The following TENM1 variants were observed in gnomAD, a reference collection of about 807,000 sequenced individuals.
TENM1 encodes teneurin-1.
Under a neutral mutation model 174.8 loss-of-function variants are expected in TENM1, and 35 were observed. The observed-to-expected ratio is 0.20, with a 90% CI of 0.15 to 0.27. The LOEUF (loss-of-function observed/expected upper bound fraction) is 0.27. Ranked by LOEUF, TENM1 falls within the 10% of genes least tolerant of loss-of-function variation. The pLI is 1.00. For synonymous variants in TENM1, 781 were observed against 798.7 expected, an observed-to-expected ratio of 0.98 and a Z score of 0.37; for missense variants, 1,633 against 2,130.1, an observed-to-expected ratio of 0.77 and a Z score of 4.59.
chrX:124,978,797 G>T, the TENM1 span, among the ~76,000 whole-genome samples: 1 of 111,771 alleles, frequency 8.9e-6, no homozygotes, highest in African/African-American at 3.2e-5. Context: ...CTTCATATTT[G>T]CCCTGCAGCT....
At chrX:124,641,733 G>A in intron 11 of TENM1, 58 bp downstream of exon 14, 1 of 1,089,467 alleles carries the variant, frequency 9.2e-7, no homozygotes. Context: ...CTGCCTTAAG[G>A]AAGGAACAGT....
chrX:124,786,815 A>G (rs933001815), intron 3 of TENM1, among the ~76,000 whole-genome samples: 3 of 111,507 alleles, frequency 2.7e-5, no homozygotes, highest in South Asian at 3.8e-4. Context: ...CTTCCTATCC[A>G]TGATAAGGCA....
chrX:124,561,843 TCA>T lies in TENM1; in HGVS notation c.2288-28_2288-27del. 3.3e-6 allele frequency: 4 copies of T among 1,202,484 alleles called. No homozygotes were observed. In the South Asian group the frequency reaches 7.1e-5, roughly 21 times the overall value. On this transcript the variant is annotated intron_variant, in intron 13 of 31. Coordinates refer to ENST00000422452, the Ensembl canonical transcript of TENM1. Reference sequence around the variant, plus strand: ...CTGAAAAGACATCAGAGAGTAACCATCACAGAGACATCAGAATGGGATTGGCC... The same window carrying T: ...CTGAAAAGACATCAGAGAGTAACCATCAGAGACATCAGAATGGGATTGGCC...
Position 124,533,185 on chromosome X carries a change from G to A in TENM1, c.2652-3202C>T, listed in dbSNP as rs929843863. Among the ~76,000 whole-genome samples the A allele has an allele frequency of 2.7e-5, 3 of 111,447 alleles. No individual in the cohort carries two copies. In the Admixed American group the frequency reaches 2.9e-4, roughly 11 times the overall value. ...GAAGTATGGCATATTGTGCCACTTC[G>A]TTCAGCTCAACTGCCATTTTGTGCA... is the stretch of plus-strand genomic sequence containing the variant. On this transcript the variant is annotated intron_variant, in intron 15 of 31. Coordinates refer to ENST00000422452, the Ensembl canonical transcript of TENM1.
chrX:124,395,689 G>A (rs1308316371), intron 27 of TENM1, among the ~76,000 whole-genome samples: 2 of 111,700 alleles, frequency 1.8e-5, no homozygotes, highest in African/African-American at 6.5e-5. Flanking sequence ...TAAGAAAAGC[G>A]CATATTTCCT....
intron 18 of TENM1, among the ~76,000 whole-genome samples, chrX:124,516,909 C>T (rs759477085): frequency 7.2e-5 from 8 of 111,590 alleles, no homozygotes; most frequent in African/African-American, 2.0e-4. Flanking sequence ...AAATGCCCAT[C>T]GATGACAGAT....
intron 11 of TENM1, among the ~76,000 whole-genome samples, chrX:124,632,797 G>T (rs2050792272): frequency 8.9e-6 from 1 of 111,930 alleles, no homozygotes; most frequent in African/African-American, 3.2e-5. Flanking sequence ...GTATCATTCA[G>T]CTTATTTGGG....
chrX:125,161,426 A>G, the TENM1 span, among the ~76,000 whole-genome samples: 4 of 102,265 alleles, frequency 3.9e-5, no homozygotes, highest in African/African-American at 1.5e-4. Flanking sequence ...CCACAAATGC[A>G]GAACACATAG....
intron 22 of TENM1, among the ~76,000 whole-genome samples, chrX:124,476,737 T>A (rs980959892): frequency 1.8e-5 from 2 of 112,502 alleles, no homozygotes; most frequent in Non-Finnish European, 3.7e-5. Context: ...TCTGCTTAAG[T>A]ACTTGGTCAT....
chrX:124,900,479 T>C (rs60855208), intron 1 of TENM1, among the ~76,000 whole-genome samples: 3,748 of 111,800 alleles, frequency 0.034, 153 homozygotes, highest in African/African-American at 0.12. Flanking sequence ...GTTTCACAGG[T>C]GTATACATGC....
chrX:124,818,714 T>G (rs765509175), intron 3 of TENM1, among the ~76,000 whole-genome samples: 72 of 112,042 alleles, frequency 6.4e-4, no homozygotes, highest in Non-Finnish European at 1.2e-3. Context: ...TTTTATGTAC[T>G]GAAATGCTAA....
chrX:124,705,187 G>A, exon 5 of TENM1: 1 of 1,210,620 alleles, frequency 8.3e-7, no homozygotes, highest in Non-Finnish European at 1.1e-6. Flanking sequence ...GATGTCAGAG[G>A]GTAGTTCTGA....
At chrX:125,197,724 G>A in the TENM1 span, among the ~76,000 whole-genome samples, 3 of 111,235 alleles carry the variant, frequency 2.7e-5, no homozygotes, top group Admixed American at 1.9e-4. Flanking sequence ...GTAAAAATGT[G>A]GATATTAATT....
At chrX:125,161,519 T>C in the TENM1 span, among the ~76,000 whole-genome samples, 2 of 111,957 alleles carry the variant, frequency 1.8e-5, no homozygotes, top group Middle Eastern at 4.2e-3. Flanking sequence ...TTATGCTTAA[T>C]GAAAGAATCC....
At chrX:124,599,367 G>T (rs1049469136) in intron 11 of TENM1, among the ~76,000 whole-genome samples, 7 of 111,257 alleles carry the variant, frequency 6.3e-5, no homozygotes, top group Admixed American at 9.6e-5. Context: ...TCAACTAAAA[G>T]TGGCAAGGAG....
chrX:125,129,767 T>C, the TENM1 span, among the ~76,000 whole-genome samples: 1,449 of 111,360 alleles, frequency 0.013, 27 homozygotes, highest in African/African-American at 0.044. Flanking sequence ...TTCCTGCAAA[T>C]GACAGGATCT....
the TENM1 span, among the ~76,000 whole-genome samples, chrX:125,001,747 T>C: frequency 2.7e-5 from 3 of 110,419 alleles, no homozygotes; most frequent in Non-Finnish European, 5.7e-5. Context: ...TAAACTTTCA[T>C]TGTATTTAGC....
the TENM1 span, among the ~76,000 whole-genome samples, chrX:125,058,846 T>C: frequency 9.0e-6 from 1 of 111,039 alleles, no homozygotes; most frequent in African/African-American, 3.3e-5. Flanking sequence ...TCTTTTCCTA[T>C]GTATACATTA....
the TENM1 span, among the ~76,000 whole-genome samples, chrX:125,077,427 G>C: frequency 9.0e-6 from 1 of 111,158 alleles, no homozygotes; most frequent in Non-Finnish European, 1.9e-5. Flanking sequence ...TAATTATTTG[G>C]ATGAAGATTT....
Sources: gnomAD v4.1 joint callset for allele counts (sites outside exome capture counted in the v4.1 genomes callset) on GRCh38, gnomAD v4.1.1 for gene constraint, MANE v1.5 for transcripts, NCBI Gene and HGNC (gene_info 2026-07-23, HGNC 2026-07-21) for gene names.